The following ZBTB10 variants were observed in gnomAD, a reference collection of about 807,000 sequenced individuals.
ZBTB10 encodes zinc finger and BTB domain containing 10.
A neutral mutation model predicts 76.4 loss-of-function variants in ZBTB10; 32 were observed. The observed-to-expected ratio is 0.42, with a 90% confidence interval of 0.32 to 0.56. The LOEUF is 0.56. ZBTB10 is among the 20% of genes least tolerant of loss of function. The pLI is 0.14. For missense variants in ZBTB10, 1,057 were observed against 1,098.5 expected (o/e 0.96, Z 0.53); for synonymous variants, 523 against 432.9 (o/e 1.21, Z -2.58).
chr8:80,510,739 A>T (rs1426426249), intron 2 of ZBTB10, among the ~76,000 whole-genome samples: 1 of 152,158 alleles, frequency 6.6e-6, no homozygotes, highest in Non-Finnish European at 1.5e-5. Context: ...ATTAGTCTTC[A>T]GAAAGGATTT....
Position 80,487,352 on chromosome 8 carries a change from G to C in ZBTB10, c.542G>C (p.Ser181Thr), listed in dbSNP as rs1251126050. The change falls in exon 1 of 6, where the codon AGC becomes ACC. Residue 181 changes from serine to threonine, a missense_variant. By Grantham distance (58) the Ser-to-Thr change is moderately conservative. Coordinates refer to ENST00000455036, the MANE Select transcript of ZBTB10 (RefSeq NM_001105539.3). ...KELMQDGASL[S>T]DSTEDEEEGA... Reference sequence around the variant, plus strand: ...TTGATGCAGGACGGCGCGTCCCTGAGCGACAGCACCGAGGACGAGGAGGAG... The same window carrying C: ...TTGATGCAGGACGGCGCGTCCCTGACCGACAGCACCGAGGACGAGGAGGAG... 2 of 1,528,420 alleles carry C rather than the reference G, an allele frequency of 1.3e-6. No individual in the cohort carries two copies. 94.7% of individuals were successfully genotyped at this position (1,528,420 alleles called of 1,614,324 possible). A position where few individuals can be genotyped will look rare whatever the true frequency, so the allele number is the denominator to read the frequency against.
Position 80,486,962 on chromosome 8 carries a change from C to G in ZBTB10, c.152C>G (p.Ala51Gly), listed in dbSNP as rs1238261680. The change falls in exon 1 of 6, where the codon GCG becomes GGG. Residue 51 changes from alanine to glycine, a missense_variant. Coordinates refer to ENST00000455036, the MANE Select transcript of ZBTB10 (RefSeq NM_001105539.3). The stretch of plus-strand genomic sequence containing the variant: ...CAGCCGAGACAGCCCCCGCCGCCAG[C>G]GCCGCCCGCGCTTCAGCCGCCTAAT... The part of the protein sequence containing the change: ...QPQPRQPPPP[A>G]PPALQPPNGR... 2 of 1,511,876 alleles carry G rather than the reference C, an allele frequency of 1.3e-6. No individual in the cohort carries two copies. The highest frequency in any genetic ancestry group is 1.8e-6 in the Non-Finnish European group (2 of 1,135,260). The allele number at this position is 1,511,876 out of a possible 1,614,324, so 93.7% of individuals were successfully genotyped here.
rs759118904 is a variant in ZBTB10, at chr8:80,499,577, A to G, written c.1056A>G (p.Arg352=). The part of the protein sequence containing the change: ...NENSYCYQLL[R]QLNEQRKKGI... ...ACTCTTATTGCTATCAACTTCTGCG[A>G]CAACTAAATGAACAGAGAAAGAAAG... The change falls in exon 2 of 6, where the codon CGA becomes CGG. Residue 352 remains arginine (R), a synonymous_variant. Coordinates refer to ENST00000455036, the MANE Select transcript of ZBTB10 (RefSeq NM_001105539.3). 2.5e-6 allele frequency: 4 copies of G among 1,613,868 alleles called. No individual in the cohort carries two copies. In the South Asian group the frequency reaches 3.3e-5, roughly 13 times the overall value.
In ZBTB10 at chr8:80,524,647, AC is replaced by A. The variant is rs1373980017; in HGVS notation, c.*5120del. ...TTGTTGATTTTGTTTGGAGAAGGGC[AC>A]AATAAAGGGGAGCCCACATAGCATT... On this transcript the variant is annotated 3_prime_UTR_variant, in exon 6 of 6. Coordinates refer to ENST00000455036, the MANE Select transcript of ZBTB10 (RefSeq NM_001105539.3). 6.6e-6 allele frequency: 1 copy of A among 152,090 alleles called. No individual in the cohort carries two copies. The highest frequency in any genetic ancestry group is 1.9e-4 in the East Asian group (1 of 5,204). The allele number at this position is 152,090 out of a possible 1,614,324, so 9.4% of individuals were successfully genotyped here.
intron 1 of ZBTB10, among the ~76,000 whole-genome samples, chr8:80,495,261 A>T (rs1015883057): frequency 6.6e-6 from 1 of 151,712 alleles, no homozygotes; most frequent in Non-Finnish European, 1.5e-5. Flanking sequence ...GTCAAAATGG[A>T]TGGACATTTA....
intron 1 of ZBTB10, among the ~76,000 whole-genome samples, chr8:80,493,199 GCGCGCGCGCACACACACACA>G (rs1052091358): frequency 1.8e-5 from 2 of 113,602 alleles, no homozygotes; most frequent in African/African-American, 7.3e-5. Context: ...CAAAACGCGC[GCGCGCGCGCACACACACACA>G]CACACACACA....
chr8:80,512,528 T>C (rs1184856074), intron 2 of ZBTB10, among the ~76,000 whole-genome samples: 1 of 152,082 alleles, frequency 6.6e-6, no homozygotes, highest in African/African-American at 2.4e-5. Flanking sequence ...CTGGGCAACA[T>C]AGTGAGACCC....
At chr8:80,493,604 G>C (rs1815701891) in intron 1 of ZBTB10, among the ~76,000 whole-genome samples, 1 of 151,460 alleles carries the variant, frequency 6.6e-6, no homozygotes, top group Admixed American at 6.6e-5. Context: ...ATCATCTGAG[G>C]TCGGGAGTTC....
chr8:80,501,496 C>A (rs572725785), intron 2 of ZBTB10, among the ~76,000 whole-genome samples: 6 of 152,272 alleles, frequency 3.9e-5, no homozygotes, highest in African/African-American at 1.4e-4. Flanking sequence ...CACTTCAAAG[C>A]ACTGTAACTG....
chr8:80,509,744 T>C (rs1326809610), intron 2 of ZBTB10, among the ~76,000 whole-genome samples: 2 of 152,232 alleles, frequency 1.3e-5, no homozygotes, highest in African/African-American at 4.8e-5. Context: ...TCTCATTCTT[T>C]TTCCACTGTT....
Position 80,486,760 on chromosome 8 carries a change from G to C in ZBTB10, c.-51G>C, listed in dbSNP as rs1166825945. The C allele has an allele frequency of 7.8e-7, 1 of 1,277,442 alleles. No individual in the cohort carries two copies. Among genetic ancestry groups the C allele is most frequent in the African/African-American group, 1.6e-5 (1 of 61,650 alleles). The allele number at this position is 1,277,442 out of a possible 1,614,324, so 79.1% of individuals were successfully genotyped here. On this transcript the variant is annotated 5_prime_UTR_variant, in exon 1 of 6. Transcript: ENST00000455036. ...GCGGGGAGCGCGCGGGACGCGGCCC[G>C]AGGCCGTGCGCGAGCCGGGGCACCG... is the stretch of plus-strand genomic sequence containing the variant.
Position 80,522,138 on chromosome 8 carries a change from GT to G in ZBTB10, c.*2614del, listed in dbSNP as rs1363295961. ...CCCATCTAGATCTTTTAAAAAAATA[GT>G]TTTAGTACTAAGGTATACTACTGGA... On this transcript the variant is annotated 3_prime_UTR_variant, in exon 6 of 6. Transcript: ENST00000455036. The G allele has an allele frequency of 6.6e-6, 1 of 151,668 alleles. No homozygotes were observed. Among genetic ancestry groups the G allele is most frequent in the East Asian group, 1.9e-4 (1 of 5,194 alleles). 9.4% of individuals were successfully genotyped at this position (151,668 alleles called of 1,614,324 possible).
chr8:80,501,248 A>C (rs1466199013), intron 2 of ZBTB10, among the ~76,000 whole-genome samples: 1 of 152,168 alleles, frequency 6.6e-6, no homozygotes. Context: ...CTTTGCATTC[A>C]TTGCAAAGCC....
intron 2 of ZBTB10, among the ~76,000 whole-genome samples, chr8:80,512,951 C>A (rs1170566701): frequency 6.6e-6 from 1 of 151,910 alleles, no homozygotes; most frequent in Non-Finnish European, 1.5e-5. Context: ...AAAGTGATGT[C>A]CATTTTTAGC....
At chr8:80,506,836 G>A (rs1472722090) in intron 2 of ZBTB10, among the ~76,000 whole-genome samples, 5 of 152,016 alleles carry the variant, frequency 3.3e-5, no homozygotes, top group South Asian at 4.2e-4. Context: ...AGGAGATTCC[G>A]AGTGTTTTGC....
intron 2 of ZBTB10, among the ~76,000 whole-genome samples, chr8:80,505,944 A>G (rs1816041322): frequency 7.0e-6 from 1 of 143,764 alleles, no homozygotes; most frequent in Non-Finnish European, 1.5e-5. Flanking sequence ...TTTTTTAAGT[A>G]AAGGTGAAGT....
rs567191726 is a variant in ZBTB10, at chr8:80,488,213, A to G, written c.972+431A>G. 1.8e-4 allele frequency among the ~76,000 whole-genome samples: 28 copies of G among 152,356 alleles called. No homozygotes were observed. In the East Asian group the frequency reaches 3.3e-3, roughly 18 times the overall value. On this transcript the variant is annotated intron_variant, in intron 1 of 5. Coordinates refer to ENST00000455036, the MANE Select transcript of ZBTB10 (RefSeq NM_001105539.3). ...GTCAAATCGGGCAACTCTTTGAAGAATGGATTAAACAGTTTACCTTTAAGG... is the reference window on the plus strand; with the variant it reads ...GTCAAATCGGGCAACTCTTTGAAGAGTGGATTAAACAGTTTACCTTTAAGG...
At chr8:80,516,454 G>A (rs1481482823) in intron 3 of ZBTB10, among the ~76,000 whole-genome samples, 1 of 152,158 alleles carries the variant, frequency 6.6e-6, no homozygotes, top group Non-Finnish European at 1.5e-5. Context: ...CAAGAAATAT[G>A]GATCATAAAG....
chr8:80,487,851 C>T (rs1815519354), intron 1 of ZBTB10, 69 bp downstream of exon 1: 2 of 1,467,908 alleles, frequency 1.4e-6, no homozygotes, highest in South Asian at 1.4e-5. Context: ...TCCCTTCACC[C>T]CCACCCACCC....
Sources: allele counts gnomAD v4.1 joint callset (sites outside exome capture counted in the v4.1 genomes callset), GRCh38; gene constraint gnomAD v4.1.1; transcripts MANE v1.5; gene names NCBI Gene and HGNC (gene_info 2026-07-23, HGNC 2026-07-21).